The following DCC variants were observed in gnomAD, a reference collection of about 807,000 sequenced individuals.
DCC encodes DCC netrin 1 receptor.
A neutral mutation model predicts 172.5 loss-of-function variants in DCC; 58 were observed. The observed-to-expected ratio is 0.34, with a 90% confidence interval of 0.27 to 0.42. DCC has a LOEUF of 0.42. DCC is among the 10% of genes least tolerant of loss of function. The pLI is 1.00. For synonymous variants in DCC, 709 were observed against 644.5 expected, an observed-to-expected ratio of 1.10 and a Z score of -1.52; for missense variants, 1,740 against 1,791.0, an observed-to-expected ratio of 0.97 and a Z score of 0.51.
intron 2 of DCC, among the ~76,000 whole-genome samples, chr18:52,779,177 T>A (rs181720879): frequency 6.6e-6 from 1 of 152,314 alleles, no homozygotes; most frequent in African/African-American, 2.4e-5. Context: ...TTTTATACTT[T>A]AAGTTCTGGG....
intron 1 of DCC, among the ~76,000 whole-genome samples, chr18:52,526,683 A>T (rs1471631520): frequency 6.6e-6 from 1 of 152,174 alleles, no homozygotes; most frequent in Admixed American, 6.5e-5. Flanking sequence ...ACTCAATTAT[A>T]GGCCCGTATT....
intron 12 of DCC, among the ~76,000 whole-genome samples, chr18:53,288,577 T>C (rs191347501): frequency 6.6e-6 from 1 of 152,274 alleles, no homozygotes; most frequent in Admixed American, 6.5e-5. Context: ...TGTGCAGATA[T>C]AATTTTAAGT....
chr18:52,610,397 A>AG (rs1885074599), intron 1 of DCC, among the ~76,000 whole-genome samples: 1 of 141,410 alleles, frequency 7.1e-6, no homozygotes, highest in Non-Finnish European at 1.5e-5. Flanking sequence ...AAAAAAAAAA[A>AG]AAAAAAAAAA....
chr18:52,381,738 C>T (rs756635264), intron 1 of DCC, among the ~76,000 whole-genome samples: 12 of 152,050 alleles, frequency 7.9e-5, no homozygotes, highest in East Asian at 1.9e-4. Context: ...TTCACTGGGG[C>T]GGCTGTTTCT....
intron 2 of DCC, among the ~76,000 whole-genome samples, chr18:52,872,215 G>A (rs2039331121): frequency 6.6e-6 from 1 of 152,152 alleles, no homozygotes; most frequent in African/African-American, 2.4e-5. Context: ...ATGGGGGCTT[G>A]GAATGGCAAA....
intron 1 of DCC, among the ~76,000 whole-genome samples, chr18:52,707,552 G>T (rs2036229948): frequency 6.6e-6 from 1 of 152,146 alleles, no homozygotes; most frequent in Non-Finnish European, 1.5e-5. Flanking sequence ...TGTTGAAGAG[G>T]TATCTGCAGT....
At chr18:53,389,540 TAACTA>T (rs1057025662) in intron 16 of DCC, among the ~76,000 whole-genome samples, 6 of 152,176 alleles carry the variant, frequency 3.9e-5, no homozygotes, top group African/African-American at 1.4e-4. Context: ...TATTTAAACT[TAACTA>T]GTTCATATAA....
At chr18:52,786,004 CTG>C (rs1684733823) in intron 2 of DCC, among the ~76,000 whole-genome samples, 2 of 152,090 alleles carry the variant, frequency 1.3e-5, no homozygotes, top group South Asian at 2.1e-4. Context: ...AATGGAAACT[CTG>C]TGTCCACTAT....
intron 12 of DCC, among the ~76,000 whole-genome samples, chr18:53,294,593 G>A (rs559311707): frequency 4.6e-5 from 7 of 152,176 alleles, no homozygotes; most frequent in Non-Finnish European, 7.4e-5. Context: ...GACAGTCATC[G>A]CTGGAGGACT....
At position 53,428,005 on chromosome 18, in the gene DCC, A is replaced by C. The variant is rs1236134918; in HGVS notation, c.3164-7139A>C. Reference sequence around the variant, plus strand: ...ATATAATATATTATAATAATATATAATATAATACTATAATAATATAGAATA... The same window carrying C: ...ATATAATATATTATAATAATATATACTATAATACTATAATAATATAGAATA... On this transcript the variant is annotated intron_variant, in intron 21 of 28. Coordinates refer to ENST00000442544, the MANE Select transcript of DCC (RefSeq NM_005215.4). 2.1e-3 allele frequency among the ~76,000 whole-genome samples: 164 copies of C among 79,414 alleles called. 17 individuals are homozygous for C. The highest frequency in any genetic ancestry group is 7.3e-3 in the African/African-American group (161 of 22,082). The allele number at this position is 79,414 out of a possible 152,430, so 52.1% of individuals were successfully genotyped here. A position where few individuals can be genotyped will look rare whatever the true frequency, so the allele number is the denominator to read the frequency against.
intron 2 of DCC, among the ~76,000 whole-genome samples, chr18:52,886,223 G>A (rs2039567289): frequency 1.3e-5 from 2 of 152,070 alleles, no homozygotes; most frequent in Admixed American, 6.6e-5. Flanking sequence ...CCAGGACTAG[G>A]AATTGCCTAG....
intron 1 of DCC, among the ~76,000 whole-genome samples, chr18:52,527,578 A>G (rs1335536665): frequency 6.6e-6 from 1 of 152,214 alleles, no homozygotes. Flanking sequence ...AAATGAGCTT[A>G]TTAATGTTTA....
chr18:52,527,217 A>G (rs1164613717), intron 1 of DCC, among the ~76,000 whole-genome samples: 1 of 152,246 alleles, frequency 6.6e-6, no homozygotes, highest in African/African-American at 2.4e-5. Context: ...CTAGGTTTAG[A>G]GCAATTTGTT....
chr18:53,051,018 C>A (rs867397434), intron 5 of DCC, among the ~76,000 whole-genome samples: 1 of 152,000 alleles, frequency 6.6e-6, no homozygotes, highest in South Asian at 2.1e-4. Context: ...CTGCTTGAGC[C>A]CAGAAGTTCA....
rs1171409955 is a variant in DCC at position 52,907,273 on chromosome 18, TGATATGTC to T, written c.697+946_697+953del. Among the ~76,000 whole-genome samples, 14 of 148,622 alleles carry T rather than the reference TGATATGTC, an allele frequency of 9.4e-5. No individual in the cohort carries two copies. The South Asian group carries it at 2.7e-3, about 29-fold the overall frequency. On this transcript the variant is annotated intron_variant, in intron 3 of 28. Transcript: ENST00000442544. ...ACATGATATGTCATGGATATATACA[TGATATGTC>T]ATGGATATATACATATGGATATATA...
At chr18:52,479,150 A>G (rs1395085727) in intron 1 of DCC, among the ~76,000 whole-genome samples, 2 of 152,326 alleles carry the variant, frequency 1.3e-5, no homozygotes, top group African/African-American at 2.4e-5. Flanking sequence ...AGAGATATGT[A>G]CAGTGCATAT....
chr18:52,845,014 G>A (rs2038863208), intron 2 of DCC, among the ~76,000 whole-genome samples: 1 of 152,192 alleles, frequency 6.6e-6, no homozygotes, highest in African/African-American at 2.4e-5. Flanking sequence ...ACAATGCAAA[G>A]ACCTGTCCAA....
chr18:53,144,393 A>T (rs754382795), intron 7 of DCC, among the ~76,000 whole-genome samples: 1 of 152,132 alleles, frequency 6.6e-6, no homozygotes, highest in Non-Finnish European at 1.5e-5. Context: ...GGTTTAATTG[A>T]CTCACAGTTC....
chr18:52,796,239 A>G (rs62083277), intron 2 of DCC, among the ~76,000 whole-genome samples: 3,826 of 152,036 alleles, frequency 0.025, 67 homozygotes, highest in Middle Eastern at 0.072. Flanking sequence ...TTCTGCTTAC[A>G]TTCAAGCTTA....
Sources: gnomAD v4.1 joint callset for allele counts (sites outside exome capture counted in the v4.1 genomes callset) on GRCh38, gnomAD v4.1.1 for gene constraint, MANE v1.5 for transcripts, NCBI Gene and HGNC (gene_info 2026-07-23, HGNC 2026-07-21) for gene names.